The following SLC30A8 variants were observed in gnomAD, a reference collection of about 807,000 sequenced individuals.
The protein encoded by SLC30A8 is proton-coupled zinc antiporter SLC30A8.
SLC30A8 carries 27 observed loss-of-function variants against 36.9 expected under a neutral mutation model. The ratio of observed to expected loss-of-function variants is 0.73; its 90% CI spans 0.54 to 1.01. SLC30A8 has a LOEUF of 1.01. Ranked by LOEUF, SLC30A8 falls within the 50% of genes least tolerant of loss-of-function variation. The pLI is 0.00. For missense variants in SLC30A8, 439 were observed against 452.0 expected, an observed-to-expected ratio of 0.97 and a Z score of 0.26; for synonymous variants, 164 against 172.4, an observed-to-expected ratio of 0.95 and a Z score of 0.38.
At chr8:116,966,193 G>C (rs1420678161) in intron 1 of SLC30A8, among the ~76,000 whole-genome samples, 1 of 152,168 alleles carries the variant, frequency 6.6e-6, no homozygotes, top group Non-Finnish European at 1.5e-5. Context: ...CAAACTAAGA[G>C]TGTAGCTGAA....
chr8:117,080,850 TTAG>T (rs1818653652), intron 2 of SLC30A8, among the ~76,000 whole-genome samples: 1 of 152,122 alleles, frequency 6.6e-6, no homozygotes, highest in Admixed American at 6.5e-5. Context: ...GGGTTTATAC[TTAG>T]TAGTGGGATT....
chr8:117,061,020 T>C (rs1818010874), intron 2 of SLC30A8, among the ~76,000 whole-genome samples: 1 of 152,236 alleles, frequency 6.6e-6, no homozygotes, highest in Non-Finnish European at 1.5e-5. Flanking sequence ...ACTTCTTTAG[T>C]ATTGCTACTT....
At chr8:117,134,940 G>A (rs1821288813), upstream of SLC30A8, 1 of 160,166 alleles carries the variant, frequency 6.2e-6, no homozygotes, top group Admixed American at 6.5e-5. Context: ...GTAGCTATTT[G>A]CAGCTCACCC....
chr8:116,992,864 C>T (rs746253569), intron 1 of SLC30A8, among the ~76,000 whole-genome samples: 32 of 152,214 alleles, frequency 2.1e-4, no homozygotes, highest in Non-Finnish European at 4.1e-4. Context: ...AGAAATAGAG[C>T]ATAAGAAGTG....
intron 1 of SLC30A8, among the ~76,000 whole-genome samples, chr8:117,003,339 G>A (rs1461515853): frequency 6.6e-6 from 1 of 152,198 alleles, no homozygotes; most frequent in Non-Finnish European, 1.5e-5. Context: ...GAGAAAGGTA[G>A]CATAATGAAT....
chr8:117,044,136 G>A (rs183601230), intron 2 of SLC30A8, among the ~76,000 whole-genome samples: 1 of 152,172 alleles, frequency 6.6e-6, no homozygotes, highest in Non-Finnish European at 1.5e-5. Flanking sequence ...TTAGATTGAG[G>A]ACTGAGGAGG....
intron 2 of SLC30A8, among the ~76,000 whole-genome samples, chr8:117,040,984 C>A (rs1432623542): frequency 6.6e-6 from 1 of 152,050 alleles, no homozygotes; most frequent in Non-Finnish European, 1.5e-5. Flanking sequence ...ATAGAGTAAC[C>A]AAAGAACCAG....
At chr8:117,044,782 C>T (rs1817495372) in intron 2 of SLC30A8, among the ~76,000 whole-genome samples, 1 of 152,138 alleles carries the variant, frequency 6.6e-6, no homozygotes, top group Non-Finnish European at 1.5e-5. Flanking sequence ...AAAGCTGTAA[C>T]ACAATTGGTT....
chr8:116,977,117 TTTTC>T lies in SLC30A8; in HGVS notation c.-266+26006_-266+26009del, dbSNP rs1815059008. Among the ~76,000 whole-genome samples the T allele has an allele frequency of 2.1e-5, 3 of 144,032 alleles. No homozygotes were observed. In the South Asian group the frequency reaches 6.4e-4, roughly 30 times the overall value. 94.5% of individuals were successfully genotyped at this position (144,032 alleles called of 152,430 possible). A position where few individuals can be genotyped will look rare whatever the true frequency, so the allele number is the denominator to read the frequency against. ...TAGGCAGGAGCCACCGTGCCTGGCC[TTTTC>T]TTTCTTTTTCTTTTTCTTGCTTTTT... On this transcript the variant is annotated intron_variant, in intron 1 of 10. Transcript: ENST00000427715.
rs184980568 is a variant in SLC30A8 at position 117,019,355 on chromosome 8, T to G, written c.-265-19864T>G. On this transcript the variant is annotated intron_variant, in intron 1 of 10. Transcript: ENST00000427715. The stretch of plus-strand genomic sequence containing the variant: ...CTCCTCGTGATCATTCTGTCACAAT[T>G]TCATACAAAAATAAAGGCAGTTTCT... 5.9e-5 allele frequency among the ~76,000 whole-genome samples: 9 copies of G among 152,340 alleles called. No individual in the cohort carries two copies. The East Asian group carries it at 1.7e-3, about 29-fold the overall frequency.
At chr8:117,039,289 AG>A (rs1413622841) in intron 2 of SLC30A8, 14 of 152,322 alleles carry the variant, frequency 9.2e-5, no homozygotes, top group African/African-American at 3.1e-4. Context: ...TGTGTGTGAG[AG>A]GGAGATCAAT....
At chr8:116,961,135 A>G (rs1169133336) in intron 1 of SLC30A8, among the ~76,000 whole-genome samples, 2 of 152,200 alleles carry the variant, frequency 1.3e-5, no homozygotes, top group Admixed American at 6.5e-5. Context: ...GCCTTGTTTT[A>G]AAAAGATTTA....
chr8:117,115,923 A>G lies in SLC30A8; in HGVS notation c.-225-19357A>G, dbSNP rs925902063. 2.0e-5 allele frequency among the ~76,000 whole-genome samples: 3 copies of G among 152,142 alleles called. No individual in the cohort carries two copies. In the East Asian group the frequency reaches 5.8e-4, roughly 30 times the overall value. On this transcript the variant is annotated intron_variant, in intron 2 of 10. Coordinates refer to the SLC30A8 transcript ENST00000427715. Reference sequence around the variant, plus strand: ...AGGGGGAGTTTTGGGACTTGTCTGGAAGTTGCATTTGCAGAGCAAGCACAT... The same window carrying G: ...AGGGGGAGTTTTGGGACTTGTCTGGGAGTTGCATTTGCAGAGCAAGCACAT...
chr8:117,174,314 A>T lies in SLC30A8; in HGVS notation c.*1633A>T, dbSNP rs894109450. 1.3e-5 allele frequency: 2 copies of T among 152,370 alleles called. No individual in the cohort carries two copies. The highest frequency in any genetic ancestry group is 2.1e-4 in the South Asian group (1 of 4,820). The allele number at this position is 152,370 out of a possible 1,614,324, so 9.4% of individuals were successfully genotyped here. ...CATTTATATTTGTATTTTTTTCTGAAATTTGAGGGCCAAGAAAACATTGAC... is the reference window on the plus strand; with the variant it reads ...CATTTATATTTGTATTTTTTTCTGATATTTGAGGGCCAAGAAAACATTGAC... On this transcript the variant is annotated 3_prime_UTR_variant, in exon 8 of 8. Transcript: ENST00000456015.
chr8:117,070,054 T>A (rs568476536), intron 2 of SLC30A8, among the ~76,000 whole-genome samples: 36 of 152,344 alleles, frequency 2.4e-4, no homozygotes, highest in African/African-American at 8.2e-4. Context: ...ATTTTGATGA[T>A]CTATAGTTTC....
chr8:117,039,855 G>A (rs1586430941), intron 2 of SLC30A8, among the ~76,000 whole-genome samples: 1 of 152,176 alleles, frequency 6.6e-6, no homozygotes, highest in East Asian at 1.9e-4. Flanking sequence ...AGAGTTTCCA[G>A]TGCCATTTTT....
chr8:116,958,376 GAACTCTTTT>G (rs1338838703), intron 1 of SLC30A8, among the ~76,000 whole-genome samples: 1 of 150,954 alleles, frequency 6.6e-6, no homozygotes, highest in African/African-American at 2.4e-5. Flanking sequence ...AGCTGATAAT[GAACTCTTTT>G]AACTTTTGTA....
chr8:116,968,084 C>T (rs1292781081), intron 1 of SLC30A8, among the ~76,000 whole-genome samples: 2 of 152,066 alleles, frequency 1.3e-5, no homozygotes, highest in African/African-American at 4.8e-5. Context: ...TCTTGACGTA[C>T]TCAGATTTAC....
chr8:116,982,995 C>T (rs1252482712), intron 1 of SLC30A8, among the ~76,000 whole-genome samples: 2 of 152,024 alleles, frequency 1.3e-5, no homozygotes, highest in South Asian at 2.1e-4. Context: ...TATACTCTGT[C>T]GTATATCATT....
Sources: gnomAD v4.1 joint callset for allele counts (sites outside exome capture counted in the v4.1 genomes callset) on GRCh38, gnomAD v4.1.1 for gene constraint, MANE v1.5 for transcripts, NCBI Gene and HGNC (gene_info 2026-07-23, HGNC 2026-07-21) for gene names.